Variants in LRBA observed in about 807,000 individuals in gnomAD.
LRBA encodes LPS responsive beige-like anchor protein, also known as lipopolysaccharide-responsive and beige-like anchor protein.
A neutral mutation model predicts 330.0 loss-of-function variants in LRBA; 176 were observed. That is an observed-to-expected ratio of 0.53 (90% confidence interval 0.47 to 0.60). LRBA has a LOEUF of 0.60. LRBA is among the 20% of genes least tolerant of loss of function. The probability of loss-of-function intolerance (pLI) is 0.00; values close to 1 mark genes in which losing one functional copy is unlikely to be tolerated. For missense variants in LRBA, 3,259 were observed against 3,444.8 expected (o/e 0.95, Z 1.35); for synonymous variants, 1,230 against 1,193.0 (o/e 1.03, Z -0.64).
intron 37 of LRBA, among the ~76,000 whole-genome samples, chr4:150,680,604 A>T (rs1323508234): frequency 6.6e-6 from 1 of 152,234 alleles, no homozygotes; most frequent in Admixed American, 6.5e-5. Flanking sequence ...AAATGGCTAT[A>T]ATCATCATTG....
chr4:150,904,141 C>G (rs2127148530), intron 13 of LRBA, among the ~76,000 whole-genome samples: 1 of 152,326 alleles, frequency 6.6e-6, no homozygotes, highest in Non-Finnish European at 1.5e-5. Flanking sequence ...AGACCTTCAA[C>G]TTTTAACCAG....
chr4:150,830,124 A>G (rs1475344022), intron 29 of LRBA, among the ~76,000 whole-genome samples: 4 of 152,160 alleles, frequency 2.6e-5, no homozygotes, highest in Admixed American at 1.3e-4. Flanking sequence ...GTTGTGGAAG[A>G]GGGTTGTTTT....
chr4:150,421,599 T>C (rs1197733977), intron 46 of LRBA, among the ~76,000 whole-genome samples: 1 of 152,148 alleles, frequency 6.6e-6, no homozygotes, highest in Non-Finnish European at 1.5e-5. Flanking sequence ...TTCACGTCAC[T>C]GTCCTAGCTT....
intron 36 of LRBA, among the ~76,000 whole-genome samples, chr4:150,685,420 A>ATATATATATATAC (rs1561514146): frequency 5.7e-5 from 1 of 17,436 alleles, no homozygotes; most frequent in African/African-American, 2.4e-4. Flanking sequence ...ATATATATAT[A>ATATATATATATAC]TTTTTTTTTT....
chr4:150,673,651 TGA>T (rs1326798019), intron 37 of LRBA, among the ~76,000 whole-genome samples: 1 of 152,172 alleles, frequency 6.6e-6, no homozygotes, highest in African/African-American at 2.4e-5. Context: ...CTGAATCAAA[TGA>T]GAGTTAGTTA....
rs183543096 is a variant in LRBA, at chr4:150,923,253, A to G, written c.550-1960T>C. Among the ~76,000 whole-genome samples the G allele has an allele frequency of 2.0e-4, 30 of 151,898 alleles. No homozygotes were observed. The East Asian group carries it at 4.5e-3, about 23-fold the overall frequency. On this transcript the variant is annotated intron_variant, in intron 4 of 56. Transcript: ENST00000651943. The stretch of plus-strand genomic sequence containing the variant: ...ACCAAAACCTTTAACATGGACTATA[A>G]GATACTTTATCTACTTCTTTAGCCT...
At chr4:150,423,347 C>T (rs1749093350) in intron 46 of LRBA, 14 of 684,390 alleles carry the variant, frequency 2.0e-5, no homozygotes, top group Non-Finnish European at 3.4e-5. Flanking sequence ...TGTGAGGAGG[C>T]GTCAAGGGTC....
At chr4:150,805,842 C>G (rs1292808827) in intron 33 of LRBA, among the ~76,000 whole-genome samples, 1 of 151,940 alleles carries the variant, frequency 6.6e-6, no homozygotes, top group Non-Finnish European at 1.5e-5. Context: ...CTATGAATGA[C>G]GTAAGCAGTA....
At chr4:150,266,136 G>A (rs1745296840) in intron 56 of LRBA, among the ~76,000 whole-genome samples, 1 of 151,866 alleles carries the variant, frequency 6.6e-6, no homozygotes, top group Admixed American at 6.6e-5. Flanking sequence ...TTCTAAAGGG[G>A]GACTGGGCTG....
Position 150,851,922 on chromosome 4 carries a change from T to C in LRBA, c.3788A>G (p.Asn1263Ser), listed in dbSNP as rs1452417063. The change falls in exon 23 of 57, where the codon AAC becomes AGC. Residue 1263 changes from asparagine (N) to serine (S), a missense_variant. Physicochemically the swap from Asn to Ser is conservative, Grantham distance 46 (BLOSUM62 1). Transcript: ENST00000651943. The part of the protein sequence containing the change: ...TERLELKASP[N>S]VEAPQPHRHV... ...TCGATGAGGTTGAGGTGCTTCCACG[T>C]TGGGACTGGCCTTCAACTCCAGCCT... 2 of 1,613,916 alleles carry C rather than the reference T, an allele frequency of 1.2e-6. No homozygotes were observed. Among genetic ancestry groups the C allele is most frequent in the Non-Finnish European group, 1.7e-6 (2 of 1,179,892 alleles).
intron 34 of LRBA, among the ~76,000 whole-genome samples, chr4:150,797,295 G>A (rs1161419093): frequency 6.6e-6 from 1 of 151,694 alleles, no homozygotes; most frequent in Non-Finnish European, 1.5e-5. Context: ...GAAGGTCAAA[G>A]GTTTTGAAAT....
chr4:150,599,187 A>G, intron 37 of LRBA, 56 bp from the exon 38 acceptor site: 2 of 1,590,714 alleles, frequency 1.3e-6, no homozygotes, highest in Non-Finnish European at 1.7e-6. Flanking sequence ...GCGTGGTAGC[A>G]CTGAATTTCT....
intron 34 of LRBA, among the ~76,000 whole-genome samples, chr4:150,784,049 T>C (rs999311822): frequency 2.7e-4 from 41 of 152,204 alleles, no homozygotes; most frequent in Admixed American, 2.6e-3. Context: ...TGGACCAGAA[T>C]CTAATTCTTT....
rs564067785 is a variant in LRBA, at chr4:150,302,754, C to G, written c.7888G>C (p.Val2630Leu). 2 of 1,609,322 alleles carry G rather than the reference C, an allele frequency of 1.2e-6. No individual in the cohort carries two copies. The highest frequency in any genetic ancestry group is 1.7e-6 in the Non-Finnish European group (2 of 1,177,422). ...GACTCAGAACGAGCAAGGCAAGTGA[C>G]GACATCCCAATGGCCAAACACCACT... ...IQVVFGHWDVVTCLARSESYI... is the reference protein window; with the variant it reads ...IQVVFGHWDVLTCLARSESYI... Residue 2630 changes from valine to leucine, a missense_variant, in exon 53 of 57, where the codon GTC (valine) becomes CTC (leucine). Physicochemically the swap from Val to Leu is conservative, Grantham distance 32. Transcript: ENST00000651943.
At chr4:150,928,761 G>C (rs1369133719) in intron 3 of LRBA, 73 bp downstream of exon 3, 5 of 1,389,456 alleles carry the variant, frequency 3.6e-6, no homozygotes, top group Non-Finnish European at 5.0e-6. Context: ...TTGCTAAATG[G>C]AATAAGAAAA....
chr4:150,941,709 G>T (rs2149527739), intron 2 of LRBA, among the ~76,000 whole-genome samples: 1 of 152,014 alleles, frequency 6.6e-6, no homozygotes, highest in East Asian at 2.0e-4. Context: ...CAACATGGGG[G>T]AACCCCGTCT....
chr4:150,973,413 C>G (rs1404566690), intron 2 of LRBA, among the ~76,000 whole-genome samples: 1 of 152,076 alleles, frequency 6.6e-6, no homozygotes, highest in Non-Finnish European at 1.5e-5. Context: ...GTGATCTGCC[C>G]GCCTCAGCCT....
intron 40 of LRBA, among the ~76,000 whole-genome samples, chr4:150,570,459 G>A (rs1339458203): frequency 2.0e-5 from 3 of 152,044 alleles, no homozygotes; most frequent in Non-Finnish European, 4.4e-5. Flanking sequence ...AGGCCAATAA[G>A]ATGTATATGA....
intron 47 of LRBA, among the ~76,000 whole-genome samples, chr4:150,352,523 T>C (rs1737317154): frequency 6.6e-6 from 1 of 152,184 alleles, no homozygotes; most frequent in South Asian, 2.1e-4. Context: ...AAAGTTATTG[T>C]TTTAGACATC....
Sources: gnomAD v4.1 joint callset for allele counts (sites outside exome capture counted in the v4.1 genomes callset) on GRCh38, gnomAD v4.1.1 for gene constraint, MANE v1.5 for transcripts, NCBI Gene and HGNC (gene_info 2026-07-23, HGNC 2026-07-21) for gene names.